The following PDE5A variants were observed in gnomAD, a reference collection of about 807,000 sequenced individuals.
The protein encoded by PDE5A is cGMP-specific 3',5'-cyclic phosphodiesterase.
A neutral mutation model predicts 110.2 loss-of-function variants in PDE5A; 67 were observed. The ratio of observed to expected loss-of-function variants is 0.61; its 90% confidence interval spans 0.50 to 0.75. The LOEUF (loss-of-function observed/expected upper bound fraction) is 0.75. Among genes scored for constraint, PDE5A ranks in the 30% least tolerant of loss-of-function variants. The pLI is 0.00. For missense variants in PDE5A, 862 were observed against 1,045.1 expected (o/e 0.82, Z 2.42); for synonymous variants, 328 against 351.2 (o/e 0.93, Z 0.74).
intron 18 of PDE5A, among the ~76,000 whole-genome samples, chr4:119,504,149 T>C (rs1056900140): frequency 6.6e-6 from 1 of 152,110 alleles, no homozygotes; most frequent in African/African-American, 2.4e-5. Flanking sequence ...TCCATCTTTA[T>C]GTCCGTGTGT....
intron 11 of PDE5A, among the ~76,000 whole-genome samples, chr4:119,528,212 G>A (rs1726397553): frequency 6.6e-6 from 1 of 151,910 alleles, no homozygotes; most frequent in Non-Finnish European, 1.5e-5. Context: ...TATATCATAA[G>A]TCTTTTTATG....
chr4:119,498,843 G>T, intron 20 of PDE5A, 105 bp from the exon 21 acceptor site: 2 of 1,194,970 alleles, frequency 1.7e-6, no homozygotes, highest in African/African-American at 1.5e-5. Flanking sequence ...TTCATAAGCA[G>T]ACTCACTGTT....
In PDE5A at chr4:119,525,793, G is replaced by A; in HGVS notation, c.1633-98C>T. Reference sequence around the variant, plus strand: ...TTGCTGCAGAGAAATAGCATATTGTGGCTTTTTTTTCCTTTTTAATGAAAG... The same window carrying A: ...TTGCTGCAGAGAAATAGCATATTGTAGCTTTTTTTTCCTTTTTAATGAAAG... On this transcript the variant is annotated intron_variant, in intron 11 of 20. Coordinates refer to ENST00000354960, the MANE Select transcript of PDE5A (RefSeq NM_001083.4). This position sits in a 1 kb window ranked among gnomAD's most constrained non-coding sequence, Gnocchi z 4.3. 1.6e-6 allele frequency: 2 copies of A among 1,248,560 alleles called. No homozygotes were observed. Among genetic ancestry groups the A allele is most frequent in the Non-Finnish European group, 2.2e-6 (2 of 902,808 alleles). 77.3% of individuals were successfully genotyped at this position (1,248,560 alleles called of 1,614,324 possible).
At chr4:119,527,407 T>A (rs557692525) in intron 11 of PDE5A, 67 of 152,226 alleles carry the variant, frequency 4.4e-4, no homozygotes, top group African/African-American at 1.6e-3. Context: ...GATCTATTAT[T>A]AACAAGCCAT....
intron 3 of PDE5A, among the ~76,000 whole-genome samples, chr4:119,590,646 G>A (rs370774488): frequency 6.6e-6 from 1 of 152,112 alleles, no homozygotes; most frequent in South Asian, 2.1e-4. Flanking sequence ...AAGCACTGCT[G>A]TATCTATAAC....
Position 119,497,602 on chromosome 4 carries a change from T to C in PDE5A, c.*999A>G, listed in dbSNP as rs1305027081. On this transcript the variant is annotated 3_prime_UTR_variant, in exon 21 of 21. Coordinates refer to ENST00000354960, the MANE Select transcript of PDE5A (RefSeq NM_001083.4). ...CTCAAATTCATTTTTGACCCTAGTA[T>C]TGGCAATAGCCCTTTGCTATTTATA... 2.0e-5 allele frequency: 3 copies of C among 152,200 alleles called. No homozygotes were observed. Among genetic ancestry groups the C allele is most frequent in the Non-Finnish European group, 4.4e-5 (3 of 68,008 alleles). 9.4% of individuals were successfully genotyped at this position (152,200 alleles called of 1,614,324 possible).
chr4:119,554,773 C>T (rs1035240295), intron 7 of PDE5A, among the ~76,000 whole-genome samples: 2 of 151,882 alleles, frequency 1.3e-5, no homozygotes, highest in African/African-American at 4.8e-5. Flanking sequence ...TAAATTTAAA[C>T]AATAGTACAA....
In PDE5A at chr4:119,538,967, G is replaced by A; in HGVS notation, c.1625C>T (p.Ser542Leu). The A allele has an allele frequency of 9.3e-6, 15 of 1,611,102 alleles. No individual in the cohort carries two copies. The highest frequency in any genetic ancestry group is 1.2e-5 in the Non-Finnish European group (14 of 1,177,532). The change falls in exon 11 of 21, where the codon TCG (serine) becomes TTG (leucine). Residue 542 changes from serine to leucine, a missense_variant. By Grantham distance (145) the Ser-to-Leu change is moderately radical (BLOSUM62 -2). Coordinates refer to ENST00000354960, the MANE Select transcript of PDE5A (RefSeq NM_001083.4). ...AAEEETRELQ[S>L]LAAAVVPSAQ... ...AAGAAAGAGGATAATTACCGCTAAC[G>A]ACTGTAGCTCTCTTGTTTCTTCCTC... is the stretch of plus-strand genomic sequence containing the variant.
rs202133578 is a variant in PDE5A at position 119,494,814 on chromosome 4, C to T, written c.*3787G>A. 2.7e-4 allele frequency: 41 copies of T among 152,468 alleles called. No individual in the cohort carries two copies. Among genetic ancestry groups the T allele is most frequent in the Non-Finnish European group, 4.7e-4 (32 of 68,016 alleles). 9.4% of individuals were successfully genotyped at this position (152,468 alleles called of 1,614,324 possible). A position where few individuals can be genotyped will look rare whatever the true frequency, so the allele number is the denominator to read the frequency against. On this transcript the variant is annotated 3_prime_UTR_variant, in exon 21 of 21. Coordinates refer to ENST00000354960, the MANE Select transcript of PDE5A (RefSeq NM_001083.4). The stretch of plus-strand genomic sequence containing the variant: ...ATAAATTTATATTTTCAACTATTTA[C>T]ATTGCTTTCAACAACATTCATTAAG...
chr4:119,519,114 A>T lies in PDE5A; in HGVS notation c.1931T>A (p.Leu644His), dbSNP rs1332687579. Residue 644 changes from leucine (L) to histidine (H), a missense_variant, in exon 14 of 21, where the codon CTT (leucine) becomes CAT (histidine). Coordinates refer to ENST00000354960, the MANE Select transcript of PDE5A (RefSeq NM_001083.4). ...IQNKLTDLEILALLIAALSHD... is the reference protein window; with the variant it reads ...IQNKLTDLEIHALLIAALSHD... The stretch of plus-strand genomic sequence containing the variant: ...GCTTAGTGCAGCAATCAGCAATGCA[A>T]GTATCTCCAGGTCAGTCAGCTTGTT... 6.2e-7 allele frequency: 1 copy of T among 1,613,788 alleles called. No individual in the cohort carries two copies. The highest frequency in any genetic ancestry group is 8.5e-7 in the Non-Finnish European group (1 of 1,179,692).
intron 1 of PDE5A, chr4:119,628,087 G>A (rs1042728732): frequency 2.1e-6 from 2 of 963,138 alleles, no homozygotes; most frequent in Non-Finnish European, 1.2e-6. Flanking sequence ...GGGCGAGGGG[G>A]GACGGGGGAG....
At chr4:119,527,135 C>G (rs527997409) in intron 11 of PDE5A, 10 of 152,250 alleles carry the variant, frequency 6.6e-5, no homozygotes, top group Non-Finnish European at 1.3e-4. Context: ...CATCATTATT[C>G]TTACAGCAGG....
chr4:119,559,343 A>G (rs1727661814), intron 7 of PDE5A, among the ~76,000 whole-genome samples: 1 of 152,210 alleles, frequency 6.6e-6, no homozygotes, highest in Non-Finnish European at 1.5e-5. Flanking sequence ...TACCTAAAAT[A>G]TAATACACAG....
At chr4:119,568,144 T>C (rs753245942) in intron 3 of PDE5A, among the ~76,000 whole-genome samples, 7 of 150,360 alleles carry the variant, frequency 4.7e-5, no homozygotes, top group African/African-American at 9.7e-5. Context: ...CTCTCTCTCT[T>C]TTTTTTTTGC....
Position 119,525,660 on chromosome 4 carries a change from A to G in PDE5A, c.1668T>C (p.Ile556=). ...CAAAGTCACTGAAGCTAAAGTCAGT[A>G]ATTTTAAGGGTCTGGGCAGATGGCA... ...AVVPSAQTLK[I]TDFSFSDFEL... is the part of the protein sequence containing the mutation. Residue 556 remains isoleucine (I), a synonymous_variant, in exon 12 of 21, where the codon ATT becomes ATC. Transcript: ENST00000354960. The surrounding 1 kb of genome is among the most constrained non-coding windows in gnomAD (Gnocchi z 4.3). 6.2e-7 allele frequency: 1 copy of G among 1,613,312 alleles called. No homozygotes were observed. Among genetic ancestry groups the G allele is most frequent in the African/African-American group, 1.3e-5 (1 of 74,986 alleles).
At chr4:119,535,261 G>C (rs2110481439) in intron 11 of PDE5A, among the ~76,000 whole-genome samples, 1 of 152,220 alleles carries the variant, frequency 6.6e-6, no homozygotes, top group East Asian at 1.9e-4. Context: ...CAACACACTT[G>C]TGGGTAATTA....
chr4:119,538,849 G>C, intron 11 of PDE5A, 111 bp downstream of exon 11: 1 of 836,488 alleles, frequency 1.2e-6, no homozygotes, highest in South Asian at 1.4e-5. Context: ...ATCCCTGCAA[G>C]AAAGCAGAGT....
Position 119,628,683 on chromosome 4 carries a change from C to A in PDE5A, c.-12G>T. On this transcript the variant is annotated 5_prime_UTR_variant, in exon 1 of 21. Coordinates refer to ENST00000354960, the MANE Select transcript of PDE5A (RefSeq NM_001083.4). ...CCGGCCCGCTCCATGGTTGGCACCG[C>A]GCGCCTCGGAGGCTCTCTGGTACTG... 1 of 1,610,702 alleles carries A rather than the reference C, an allele frequency of 6.2e-7. No homozygotes were observed. Among genetic ancestry groups the A allele is most frequent in the Non-Finnish European group, 8.5e-7 (1 of 1,179,770 alleles).
rs553884508 is a variant in PDE5A, at chr4:119,519,362, G to A, written c.1906-223C>T. On this transcript the variant is annotated intron_variant, in intron 13 of 20. Transcript: ENST00000354960. ...CAAATGTCACTTATCAACAGGAAAA[G>A]CTGAAATGCCTCAATAAATTAATAA... The A allele has an allele frequency of 4.3e-5, 19 of 441,394 alleles. No individual in the cohort carries two copies. In the South Asian group the frequency reaches 1.1e-3, roughly 24 times the overall value. 27.3% of individuals were successfully genotyped at this position (441,394 alleles called of 1,614,324 possible).
Sources: gnomAD v4.1 joint callset for allele counts (sites outside exome capture counted in the v4.1 genomes callset) on GRCh38, gnomAD v4.1.1 for gene constraint, Gnocchi (gnomAD v3.1) non-coding constraint, MANE v1.5 for transcripts, NCBI Gene and HGNC (gene_info 2026-07-23, HGNC 2026-07-21) for gene names.